Variants in CNTNAP4 observed in about 807,000 individuals in gnomAD.
The protein encoded by CNTNAP4 is contactin associated protein family member 4, also known as contactin-associated protein-like 4.
Under a neutral mutation model 148.4 loss-of-function variants are expected in CNTNAP4, and 98 were observed. The observed-to-expected ratio is 0.66, with a 90% CI of 0.56 to 0.78. The LOEUF is 0.78. Ranked by LOEUF, CNTNAP4 falls within the 30% of genes least tolerant of loss-of-function variation. The pLI, the probability that CNTNAP4 is intolerant of heterozygous loss-of-function variation, is 0.00. For missense variants in CNTNAP4, 1,935 were observed against 1,565.6 expected, an observed-to-expected ratio of 1.24 and a Z score of -3.98; for synonymous variants, 730 against 565.1, an observed-to-expected ratio of 1.29 and a Z score of -4.14.
intron 15 of CNTNAP4, 89 bp from the exon 16 acceptor site, chr16:76,521,051 A>G: frequency 7.9e-7 from 1 of 1,273,530 alleles, no homozygotes; most frequent in Middle Eastern, 1.9e-4. Flanking sequence ...CAAAAGTGCT[A>G]AAAATAGAAC....
In CNTNAP4 at chr16:76,290,293, C is replaced by T. The variant is rs545055948; in HGVS notation, c.85+12546C>T. On this transcript the variant is annotated intron_variant, in intron 1 of 23. Coordinates refer to ENST00000611870, the MANE Select transcript of CNTNAP4 (RefSeq NM_033401.5). Reference sequence around the variant, plus strand: ...GAAAGTGCCCATCTTCTCCCTGCATCTGTGAAATCTCCTCTCCTGAATATC... The same window carrying T: ...GAAAGTGCCCATCTTCTCCCTGCATTTGTGAAATCTCCTCTCCTGAATATC... Among the ~76,000 whole-genome samples the T allele has an allele frequency of 2.6e-5, 4 of 152,326 alleles. No homozygotes were observed. In the South Asian group the frequency reaches 8.3e-4, roughly 32 times the overall value.
intron 3 of CNTNAP4, among the ~76,000 whole-genome samples, chr16:76,378,870 G>A (rs1349367561): frequency 6.6e-6 from 1 of 152,212 alleles, no homozygotes; most frequent in African/African-American, 2.4e-5. Context: ...CAGGTTTGCG[G>A]AACAGGAGGA....
chr16:76,401,684 CATAG>C (rs2078423225), intron 3 of CNTNAP4, among the ~76,000 whole-genome samples: 1 of 152,084 alleles, frequency 6.6e-6, no homozygotes, highest in Admixed American at 6.6e-5. Context: ...GTGGGTTTGC[CATAG>C]ATAGCTTTTA....
chr16:76,528,142 T>G (rs62048241), intron 17 of CNTNAP4, among the ~76,000 whole-genome samples: 7,660 of 152,340 alleles, frequency 0.05, 245 homozygotes, highest in South Asian at 0.11. Context: ...CTTAACACTT[T>G]ACCTGCAAAT....
chr16:76,306,208 T>G (rs2143981617), intron 1 of CNTNAP4, among the ~76,000 whole-genome samples: 1 of 152,300 alleles, frequency 6.6e-6, no homozygotes, highest in Non-Finnish European at 1.5e-5. Context: ...AATAGCTCCG[T>G]TTTAAGTTCT....
chr16:76,445,925 T>G (rs1237750503), intron 4 of CNTNAP4, among the ~76,000 whole-genome samples: 4 of 152,210 alleles, frequency 2.6e-5, no homozygotes, highest in Non-Finnish European at 5.9e-5. Context: ...AATCATAGGA[T>G]GCATTATTTG....
At chr16:76,378,083 T>G (rs1024750102) in intron 3 of CNTNAP4, among the ~76,000 whole-genome samples, 1 of 152,180 alleles carries the variant, frequency 6.6e-6, no homozygotes, top group Non-Finnish European at 1.5e-5. Flanking sequence ...AATTCTCATT[T>G]TATAACAATA....
chr16:76,296,052 G>A (rs762916683), intron 1 of CNTNAP4, among the ~76,000 whole-genome samples: 36 of 152,162 alleles, frequency 2.4e-4, no homozygotes, highest in Non-Finnish European at 4.0e-4. Flanking sequence ...CTCTACAAAG[G>A]ATCGTATTTA....
chr16:76,550,829 G>C (rs11859126), intron 21 of CNTNAP4, among the ~76,000 whole-genome samples: 11,150 of 152,036 alleles, frequency 0.073, 565 homozygotes, highest in African/African-American at 0.14. Context: ...ATGACGTTAT[G>C]CTGGATGTTG....
intron 2 of CNTNAP4, among the ~76,000 whole-genome samples, chr16:76,334,926 G>A (rs758490124): frequency 2.6e-5 from 4 of 151,968 alleles, no homozygotes; most frequent in African/African-American, 4.8e-5. Flanking sequence ...GAGCCATCAA[G>A]GCTAACCAGA....
intron 2 of CNTNAP4, among the ~76,000 whole-genome samples, chr16:76,338,413 A>G (rs570885957): frequency 2.0e-5 from 3 of 152,112 alleles, no homozygotes; most frequent in South Asian, 2.1e-4. Flanking sequence ...CTTCAGTCCA[A>G]TTACTGCTGT....
intron 2 of CNTNAP4, among the ~76,000 whole-genome samples, chr16:76,332,313 T>A (rs1283723460): frequency 6.6e-6 from 1 of 152,120 alleles, no homozygotes; most frequent in African/African-American, 2.4e-5. Context: ...CAGGCTGGAG[T>A]GCAGTGGTGC....
At chr16:76,393,382 C>A (rs2078092779) in intron 3 of CNTNAP4, among the ~76,000 whole-genome samples, 1 of 152,082 alleles carries the variant, frequency 6.6e-6, no homozygotes, top group Admixed American at 6.5e-5. Flanking sequence ...TTGTATTTAC[C>A]CCAGTGACAA....
chr16:76,358,118 G>C (rs2012934198), intron 3 of CNTNAP4, among the ~76,000 whole-genome samples: 1 of 152,156 alleles, frequency 6.6e-6, no homozygotes, highest in Non-Finnish European at 1.5e-5. Context: ...AGGATCACTT[G>C]AGGCCAGGAG....
At chr16:76,535,998 T>G (rs926539110) in intron 18 of CNTNAP4, among the ~76,000 whole-genome samples, 1 of 152,164 alleles carries the variant, frequency 6.6e-6, no homozygotes, top group Admixed American at 6.5e-5. Flanking sequence ...TTTCATTACT[T>G]AAATATTTGA....
intron 2 of CNTNAP4, among the ~76,000 whole-genome samples, chr16:76,341,006 A>G (rs1421312994): frequency 6.6e-6 from 1 of 152,052 alleles, no homozygotes; most frequent in Non-Finnish European, 1.5e-5. Flanking sequence ...GACACTTTAT[A>G]TTTTTTGCTC....
chr16:76,411,605 C>T (rs1414680541), intron 3 of CNTNAP4, among the ~76,000 whole-genome samples: 1 of 150,994 alleles, frequency 6.6e-6, no homozygotes, highest in African/African-American at 2.4e-5. Context: ...AGGTATTTCT[C>T]ATAGTGTTCT....
intron 3 of CNTNAP4, among the ~76,000 whole-genome samples, chr16:76,420,547 C>T (rs181044907): frequency 2.0e-3 from 303 of 151,962 alleles, no homozygotes; most frequent in Admixed American, 6.8e-3. Flanking sequence ...TTCCCTTTAT[C>T]CTAAAAAGTA....
chr16:76,473,706 G>A (rs572568952), intron 10 of CNTNAP4, among the ~76,000 whole-genome samples: 42 of 152,164 alleles, frequency 2.8e-4, no homozygotes, highest in African/African-American at 9.9e-4. Flanking sequence ...CCTGGGAGGC[G>A]GAGCTTGCAG....
Sources: allele counts gnomAD v4.1 joint callset (sites outside exome capture counted in the v4.1 genomes callset), GRCh38; gene constraint gnomAD v4.1.1; transcripts MANE v1.5; gene names NCBI Gene and HGNC (gene_info 2026-07-23, HGNC 2026-07-21).